The following FGF14 variants were observed in gnomAD, a reference collection of about 807,000 sequenced individuals.
The protein encoded by FGF14 is fibroblast growth factor 14, also known as fibroblast growth factor homologous factor 4.
A neutral mutation model predicts 25.5 loss-of-function variants in FGF14; 5 were observed. The ratio of observed to expected loss-of-function variants is 0.20; its 90% CI spans 0.10 to 0.41. The LOEUF (loss-of-function observed/expected upper bound fraction) is 0.41, where lower values mean the gene tolerates loss of function less well. FGF14 is among the 10% of genes least tolerant of loss of function. FGF14 has a pLI of 1.00. For missense variants in FGF14, 222 were observed against 320.1 expected (o/e 0.69, Z 2.34); for synonymous variants, 138 against 118.3 (o/e 1.17, Z -1.08).
At chr13:101,971,823 A>G (rs917602353) in intron 1 of FGF14, among the ~76,000 whole-genome samples, 2 of 152,248 alleles carry the variant, frequency 1.3e-5, no homozygotes, top group African/African-American at 2.4e-5. Context: ...TTTCCACTAT[A>G]AAGTTGCTGT....
At chr13:102,313,822 A>G (rs895856526) in intron 1 of FGF14, among the ~76,000 whole-genome samples, 1 of 152,226 alleles carries the variant, frequency 6.6e-6, no homozygotes, top group Non-Finnish European at 1.5e-5. Context: ...CAACAGTCCA[A>G]ATGGAAAGCA....
At chr13:101,929,039 T>C (rs1482550004) in intron 1 of FGF14, among the ~76,000 whole-genome samples, 1 of 152,258 alleles carries the variant, frequency 6.6e-6, no homozygotes, top group African/African-American at 2.4e-5. Flanking sequence ...AACCTTTATT[T>C]ATCATCAAAT....
chr13:102,000,550 C>T (rs1296276777), intron 1 of FGF14, among the ~76,000 whole-genome samples: 1 of 152,116 alleles, frequency 6.6e-6, no homozygotes, highest in African/African-American at 2.4e-5. Flanking sequence ...ATATTCTTCA[C>T]AAGTATGTAT....
chr13:102,003,620 T>C (rs762685492), intron 1 of FGF14, among the ~76,000 whole-genome samples: 10 of 152,052 alleles, frequency 6.6e-5, no homozygotes, highest in Non-Finnish European at 1.5e-4. Flanking sequence ...GTCTGGGTGC[T>C]TTCTTTTTGT....
chr13:102,042,944 A>G (rs2041812212), intron 1 of FGF14, among the ~76,000 whole-genome samples: 1 of 152,192 alleles, frequency 6.6e-6, no homozygotes, highest in Non-Finnish European at 1.5e-5. Context: ...AGCAGTGACA[A>G]CAAAAATATC....
At chr13:102,378,595 A>ATATC (rs4000839) in intron 1 of FGF14, among the ~76,000 whole-genome samples, 23,459 of 140,238 alleles carry the variant, frequency 0.17, 1,994 homozygotes, top group South Asian at 0.2. Context: ...ATATATATCT[A>ATATC]TATCTATCTA....
At chr13:101,968,125 C>T (rs1262878931) in intron 1 of FGF14, among the ~76,000 whole-genome samples, 2 of 152,174 alleles carry the variant, frequency 1.3e-5, no homozygotes, top group Admixed American at 6.5e-5. Flanking sequence ...ATTCTACAAC[C>T]AACCTCTGTT....
intron 1 of FGF14, among the ~76,000 whole-genome samples, chr13:102,022,742 T>C (rs920814090): frequency 6.6e-6 from 1 of 152,126 alleles, no homozygotes; most frequent in Admixed American, 6.6e-5. Context: ...TATATGCCAG[T>C]TCCATTTTAA....
intron 1 of FGF14, among the ~76,000 whole-genome samples, chr13:102,128,255 T>C (rs763539221): frequency 1.5e-4 from 23 of 152,202 alleles, no homozygotes; most frequent in Non-Finnish European, 3.1e-4. Context: ...TAGTAGCCCA[T>C]ACTAGGAGCT....
chr13:102,133,387 T>C (rs1002441455), intron 1 of FGF14, among the ~76,000 whole-genome samples: 1 of 152,210 alleles, frequency 6.6e-6, no homozygotes, highest in African/African-American at 2.4e-5. Flanking sequence ...GAATGTCTTA[T>C]TAAAATGAAC....
rs142550411 is a variant in FGF14, at chr13:102,098,903, A to G, written c.209-223607T>C. Among the ~76,000 whole-genome samples the G allele has an allele frequency of 2.9e-3, 445 of 152,352 alleles. 2 individuals carry two copies. Among genetic ancestry groups the G allele is most frequent in the African/African-American group, 0.01 (432 of 41,582 alleles). ...TAAACACCCCAAGAAGAGAAAACAG[A>G]TTGACTTGAATCTACCTTAAGATGT... On this transcript the variant is annotated intron_variant, in intron 1 of 4. Coordinates refer to the FGF14 transcript ENST00000376131.
chr13:101,990,062 G>A (rs568987760), intron 1 of FGF14, among the ~76,000 whole-genome samples: 1 of 152,142 alleles, frequency 6.6e-6, no homozygotes, highest in Non-Finnish European at 1.5e-5. Flanking sequence ...TATGAGCTGT[G>A]GTGCTCATAA....
At chr13:102,248,838 C>A (rs754102988) in intron 1 of FGF14, among the ~76,000 whole-genome samples, 1 of 151,972 alleles carries the variant, frequency 6.6e-6, no homozygotes, top group Non-Finnish European at 1.5e-5. Flanking sequence ...GGCAGTAGAA[C>A]GAAAGCTGAA....
chr13:102,255,394 G>A (rs2052387409), intron 1 of FGF14, among the ~76,000 whole-genome samples: 1 of 152,048 alleles, frequency 6.6e-6, no homozygotes, highest in African/African-American at 2.4e-5. Flanking sequence ...ACATCCATTT[G>A]CCTTTGCTTT....
At chr13:101,915,906 C>T (rs907772137) in intron 1 of FGF14, among the ~76,000 whole-genome samples, 2 of 152,232 alleles carry the variant, frequency 1.3e-5, no homozygotes, top group African/African-American at 4.8e-5. Flanking sequence ...GCGGACTGGG[C>T]CATAGTTCAC....
chr13:101,806,572 G>T (rs944761235), intron 3 of FGF14, among the ~76,000 whole-genome samples: 2 of 151,790 alleles, frequency 1.3e-5, no homozygotes, highest in Non-Finnish European at 2.9e-5. Context: ...TTTGATAAAT[G>T]TAAGAGTCAA....
At chr13:102,249,053 G>T (rs1415060) in intron 1 of FGF14, among the ~76,000 whole-genome samples, 45,983 of 151,970 alleles carry the variant, frequency 0.3, 7,684 homozygotes, top group Admixed American at 0.43. Flanking sequence ...GGTATGGTGG[G>T]GCATCTATGT....
Position 101,715,493 on chromosome 13 carries a change from T to C in FGF14, c.*7338A>G, listed in dbSNP as rs532126850. On this transcript the variant is annotated 3_prime_UTR_variant, in exon 5 of 5. Coordinates refer to ENST00000376143, the MANE Select transcript of FGF14 (RefSeq NM_004115.4). ...ATGATTTCATTGTGGACACTTGTGA[T>C]TTATAATAGCATGTTTAAATTTGGC... The C allele has an allele frequency of 1.2e-5, 13 of 1,041,388 alleles. No individual in the cohort carries two copies. In the African/African-American group the frequency reaches 1.2e-4, roughly 10 times the overall value. 64.5% of individuals were successfully genotyped at this position (1,041,388 alleles called of 1,614,324 possible). A position where few individuals can be genotyped will look rare whatever the true frequency, so the allele number is the denominator to read the frequency against.
intron 2 of FGF14, among the ~76,000 whole-genome samples, chr13:101,874,359 G>A (rs1372629686): frequency 6.6e-6 from 1 of 151,952 alleles, no homozygotes; most frequent in Non-Finnish European, 1.5e-5. Context: ...TTGATCCACC[G>A]ATAATGTTTC....
Sources: gnomAD v4.1 joint callset for allele counts (sites outside exome capture counted in the v4.1 genomes callset) on GRCh38, gnomAD v4.1.1 for gene constraint, MANE v1.5 for transcripts, NCBI Gene and HGNC (gene_info 2026-07-23, HGNC 2026-07-21) for gene names.